SLC24A2: variants seen among roughly 807,000 people sequenced by gnomAD.
The protein encoded by SLC24A2 is sodium/potassium/calcium exchanger 2.
In SLC24A2, 36 loss-of-function variants were observed where a neutral mutation model predicts 62.0. That is an observed-to-expected ratio of 0.58 (90% CI 0.44 to 0.77). The LOEUF is 0.77. Ranked by LOEUF, SLC24A2 falls within the 30% of genes least tolerant of loss-of-function variation. The probability of loss-of-function intolerance (pLI) is 0.00; values close to 1 mark genes in which losing one functional copy is unlikely to be tolerated. For synonymous variants in SLC24A2, 358 were observed against 294.0 expected, an observed-to-expected ratio of 1.22 and a Z score of -2.23; for missense variants, 846 against 817.9, an observed-to-expected ratio of 1.03 and a Z score of -0.42.
chr9:20,208,629 C>T, the SLC24A2 span, among the ~76,000 whole-genome samples: 2 of 152,066 alleles, frequency 1.3e-5, no homozygotes, highest in Non-Finnish European at 2.9e-5. Context: ...TTAAATGCAC[C>T]CCTCAGAGAA....
the SLC24A2 span, among the ~76,000 whole-genome samples, chr9:19,893,724 C>A: frequency 1.3e-5 from 2 of 152,010 alleles, no homozygotes; most frequent in Non-Finnish European, 2.9e-5. Flanking sequence ...TTAGAATTAG[C>A]TTTGACTGCA....
the SLC24A2 span, among the ~76,000 whole-genome samples, chr9:20,245,083 T>A: frequency 1.3e-5 from 2 of 152,094 alleles, no homozygotes; most frequent in Admixed American, 1.3e-4. Flanking sequence ...TAAAAAAAAA[T>A]TATTGAACTG....
chr9:20,049,266 A>G, the SLC24A2 span, among the ~76,000 whole-genome samples: 1 of 152,210 alleles, frequency 6.6e-6, no homozygotes, highest in Non-Finnish European at 1.5e-5. Context: ...TCGATCCATC[A>G]ATGACTCTAT....
At chr9:19,601,150 T>A (rs1298440885) in intron 4 of SLC24A2, among the ~76,000 whole-genome samples, 1 of 151,138 alleles carries the variant, frequency 6.6e-6, no homozygotes, top group Non-Finnish European at 1.5e-5. Flanking sequence ...GCAACGAGAT[T>A]GTAAAATGCA....
chr9:19,574,231 C>T (rs7022612), intron 6 of SLC24A2, among the ~76,000 whole-genome samples: 139,139 of 152,280 alleles, frequency 0.91, 63,645 homozygotes, highest in East Asian at 1. Flanking sequence ...GAGCATCCTA[C>T]TGCAGGCAAG....
intron 4 of SLC24A2, among the ~76,000 whole-genome samples, chr9:19,604,460 G>C (rs912464331): frequency 6.6e-6 from 1 of 152,192 alleles, no homozygotes; most frequent in African/African-American, 2.4e-5. Flanking sequence ...TATACTCCTG[G>C]ATCCCATCTT....
the SLC24A2 span, among the ~76,000 whole-genome samples, chr9:19,835,366 A>T: frequency 6.6e-6 from 1 of 151,572 alleles, no homozygotes; most frequent in South Asian, 2.1e-4. Context: ...GCTCAAAATA[A>T]AGGGATGGAG....
At chr9:20,202,613 G>A in the SLC24A2 span, among the ~76,000 whole-genome samples, 2 of 152,104 alleles carry the variant, frequency 1.3e-5, no homozygotes, top group Admixed American at 1.3e-4. Flanking sequence ...GTAAAAGTTG[G>A]CTTTGATTGG....
chr9:20,156,271 A>C, the SLC24A2 span, among the ~76,000 whole-genome samples: 106 of 151,958 alleles, frequency 7.0e-4, no homozygotes, highest in African/African-American at 2.2e-3. Flanking sequence ...TGACCTAATT[A>C]GGCAAAACAA....
chr9:20,261,590 A>G, the SLC24A2 span, among the ~76,000 whole-genome samples: 1 of 152,160 alleles, frequency 6.6e-6, no homozygotes, highest in Non-Finnish European at 1.5e-5. Flanking sequence ...ATTGGGGATT[A>G]AGTTTCCAAC....
chr9:19,610,605 TAG>T (rs1486451401), intron 4 of SLC24A2, among the ~76,000 whole-genome samples: 1 of 152,182 alleles, frequency 6.6e-6, no homozygotes, highest in Non-Finnish European at 1.5e-5. Flanking sequence ...ACTCCAGGAC[TAG>T]AGAGAGATAT....
the SLC24A2 span, among the ~76,000 whole-genome samples, chr9:20,046,023 G>C: frequency 6.6e-6 from 1 of 152,178 alleles, no homozygotes; most frequent in Non-Finnish European, 1.5e-5. Context: ...AGGCTGGCCA[G>C]GCTCCTAGCT....
chr9:19,952,754 T>C, the SLC24A2 span, among the ~76,000 whole-genome samples: 2 of 151,676 alleles, frequency 1.3e-5, no homozygotes, highest in South Asian at 2.1e-4. Context: ...TAATACTGGC[T>C]TTATAATATT....
chr9:19,532,412 C>A (rs756330752), intron 8 of SLC24A2, among the ~76,000 whole-genome samples: 1 of 152,118 alleles, frequency 6.6e-6, no homozygotes, highest in Non-Finnish European at 1.5e-5. Flanking sequence ...TACTTTAAAT[C>A]AGCTCTAAAT....
At chr9:19,809,957 G>C in the SLC24A2 span, among the ~76,000 whole-genome samples, 15 of 152,232 alleles carry the variant, frequency 9.9e-5, no homozygotes, top group East Asian at 2.9e-3. Flanking sequence ...CCTGGTGCCA[G>C]ACAACAAACC....
chr9:19,958,938 T>C, the SLC24A2 span, among the ~76,000 whole-genome samples: 1 of 152,184 alleles, frequency 6.6e-6, no homozygotes, highest in African/African-American at 2.4e-5. Flanking sequence ...GATGTAGTGT[T>C]AAATTATCCA....
chr9:19,636,374 T>TCTTTCTTC (rs1818348304), intron 2 of SLC24A2, among the ~76,000 whole-genome samples: 2 of 27,646 alleles, frequency 7.2e-5, no homozygotes, highest in Non-Finnish European at 1.4e-4. Flanking sequence ...TTTCTTTCTT[T>TCTTTCTTC]CTTTCTTTCT....
the SLC24A2 span, among the ~76,000 whole-genome samples, chr9:20,271,373 A>G: frequency 6.6e-6 from 1 of 152,196 alleles, no homozygotes; most frequent in Non-Finnish European, 1.5e-5. Context: ...CAGTTTCAAG[A>G]GTGAGACTGT....
chr9:20,007,187 G>A, the SLC24A2 span, among the ~76,000 whole-genome samples: 1 of 152,134 alleles, frequency 6.6e-6, no homozygotes, highest in African/African-American at 2.4e-5. Flanking sequence ...GTTTTCACAA[G>A]ATCAATTTTG....
Sources: gnomAD v4.1 joint callset for allele counts (sites outside exome capture counted in the v4.1 genomes callset) on GRCh38, gnomAD v4.1.1 for gene constraint, MANE v1.5 for transcripts, NCBI Gene and HGNC (gene_info 2026-07-23, HGNC 2026-07-21) for gene names.